Variants in PTCHD4 observed in about 807,000 individuals in gnomAD.
The protein encoded by PTCHD4 is patched domain containing 4.
A neutral mutation model predicts 58.1 loss-of-function variants in PTCHD4; 33 were observed. The observed-to-expected ratio is 0.57, with a 90% CI of 0.43 to 0.76. The LOEUF (loss-of-function observed/expected upper bound fraction) is 0.76, where lower values mean the gene tolerates loss of function less well. PTCHD4 is among the 30% of genes least tolerant of loss of function. PTCHD4 has a pLI of 0.00. For missense variants in PTCHD4, 1,058 were observed against 1,027.1 expected, an observed-to-expected ratio of 1.03 and a Z score of -0.41; for synonymous variants, 478 against 409.6, an observed-to-expected ratio of 1.17 and a Z score of -2.02.
At chr6:48,051,796 G>A (rs1314400049) in intron 3 of PTCHD4, among the ~76,000 whole-genome samples, 7 of 151,964 alleles carry the variant, frequency 4.6e-5, no homozygotes, top group Non-Finnish European at 8.8e-5. Flanking sequence ...ATTGAGATAA[G>A]CAGCTCTGAA....
At chr6:48,035,478 A>G (rs551751505) in intron 3 of PTCHD4, among the ~76,000 whole-genome samples, 15 of 152,234 alleles carry the variant, frequency 9.9e-5, no homozygotes, top group African/African-American at 3.4e-4. Context: ...TATGAATCAG[A>G]AAAAGGGGAT....
intron 4 of PTCHD4, among the ~76,000 whole-genome samples, chr6:47,975,522 TG>T (rs1767662960): frequency 6.6e-6 from 1 of 152,184 alleles, no homozygotes; most frequent in Non-Finnish European, 1.5e-5. Flanking sequence ...TCTTGGTTCA[TG>T]GATTTTTCAA....
In PTCHD4 at chr6:47,898,554, A is replaced by G. The variant is rs1242183599; in HGVS notation, c.899-18618T>C. ...TGAGTAATGCTGGAAATTCAGCAAC[A>G]ATTAAATGTTTACATGATACCACTC... On this transcript the variant is annotated intron_variant, in intron 4 of 4. Transcript: ENST00000339488. 2.0e-5 allele frequency among the ~76,000 whole-genome samples: 3 copies of G among 152,312 alleles called. No homozygotes were observed. The East Asian group carries it at 5.8e-4, about 29-fold the overall frequency.
intron 1 of PTCHD4, among the ~76,000 whole-genome samples, chr6:48,071,006 C>G (rs1764966036): frequency 6.6e-6 from 1 of 152,164 alleles, no homozygotes; most frequent in South Asian, 2.1e-4. Context: ...CATAACTTAT[C>G]AAGTCCATTT....
At chr6:47,937,168 T>C (rs531948743) in intron 4 of PTCHD4, among the ~76,000 whole-genome samples, 30 of 152,280 alleles carry the variant, frequency 2.0e-4, no homozygotes, top group South Asian at 6.2e-4. Context: ...CTATGAAGTT[T>C]TGAGTCATGG....
intron 1 of PTCHD4, among the ~76,000 whole-genome samples, chr6:48,101,363 G>A (rs1303378357): frequency 3.9e-5 from 6 of 152,148 alleles, no homozygotes; most frequent in Non-Finnish European, 5.9e-5. Flanking sequence ...TATTCTCCTA[G>A]CTGTAACAGT....
intron 4 of PTCHD4, among the ~76,000 whole-genome samples, chr6:47,981,662 G>C (rs931252458): frequency 1.3e-5 from 2 of 152,142 alleles, no homozygotes; most frequent in Non-Finnish European, 2.9e-5. Context: ...TGGGGTAGCT[G>C]TTTGCTGAAC....
intron 4 of PTCHD4, among the ~76,000 whole-genome samples, chr6:47,962,888 G>A (rs1347888595): frequency 2.0e-5 from 3 of 151,568 alleles, no homozygotes; most frequent in Non-Finnish European, 2.9e-5. Context: ...TGCCAGGTGC[G>A]GTGGCTCACG....
chr6:47,965,411 T>C (rs1298428823), intron 4 of PTCHD4, among the ~76,000 whole-genome samples: 1 of 152,176 alleles, frequency 6.6e-6, no homozygotes, highest in African/African-American at 2.4e-5. Flanking sequence ...TTGAGAAACA[T>C]TTCCAAAGTA....
chr6:48,068,454 C>T lies in PTCHD4; in HGVS notation c.193G>A (p.Gly65Ser). The T allele has an allele frequency of 6.2e-7, 1 of 1,613,794 alleles. No individual in the cohort carries two copies. Among genetic ancestry groups the T allele is most frequent in the Non-Finnish European group, 8.5e-7 (1 of 1,179,850 alleles). Residue 65 changes from glycine to serine, a missense_variant, in exon 3 of 5, where the codon GGC becomes AGC. Coordinates refer to ENST00000339488, the MANE Select transcript of PTCHD4 (RefSeq NM_001384253.1). The surrounding 1 kb of genome is among the most constrained non-coding windows in gnomAD (Gnocchi z 4.2). ...LSALNRFQPEGDLERLVAPSH... is the reference protein window; with the variant it reads ...LSALNRFQPESDLERLVAPSH... ...GGAGCGACCAGGCGCTCCAGGTCGC[C>T]CTCGGGCTGGAAGCGGTTGAGCGCG...
rs372846998 is a variant in PTCHD4, at chr6:47,879,635, G to A, written c.1200C>T (p.Ser400=). Residue 400 remains serine (S), a synonymous_variant, in exon 5 of 5, where the codon AGC becomes AGT. Transcript: ENST00000339488. ...AGQLEQNRYH[S]IFCCKIPSAE... is the part of the protein sequence containing the mutation. Reference sequence around the variant, plus strand: ...CAGAAGGGATCTTACAGCAAAAGATGCTGTGGTAGCGGTTTTGCTCTAGTT... The same window carrying A: ...CAGAAGGGATCTTACAGCAAAAGATACTGTGGTAGCGGTTTTGCTCTAGTT... 5 of 1,613,542 alleles carry A rather than the reference G, an allele frequency of 3.1e-6. No individual in the cohort carries two copies. Among genetic ancestry groups the A allele is most frequent in the Admixed American group, 1.7e-5 (1 of 59,906 alleles).
At chr6:47,996,046 CAG>C (rs1768473703) in intron 4 of PTCHD4, among the ~76,000 whole-genome samples, 2 of 152,262 alleles carry the variant, frequency 1.3e-5, no homozygotes, top group South Asian at 4.2e-4. Flanking sequence ...ATTCATGTCA[CAG>C]GGGTTTGTTG....
intron 3 of PTCHD4, among the ~76,000 whole-genome samples, chr6:48,026,127 A>G (rs1582040960): frequency 1.3e-5 from 2 of 152,172 alleles, no homozygotes. Flanking sequence ...TATGTGTGTT[A>G]GAAGTTCTTT....
intron 3 of PTCHD4, among the ~76,000 whole-genome samples, chr6:48,013,677 CCACCCTTG>C (rs1762771412): frequency 6.6e-6 from 1 of 151,912 alleles, no homozygotes; most frequent in Non-Finnish European, 1.5e-5. Context: ...ATTTTTAGCT[CCACCCTTG>C]TTTCTACACC....
Position 48,008,961 on chromosome 6 carries a change from A to T in PTCHD4, c.571T>A (p.Trp191Arg). ...ATAAGCTTACAGAACTCATTCTCCC[A>T]CTTCTCCCCTATGAGGTCTTGGGTG... ...SATQDLIGEKWENEFCKLIRK... is the reference protein window; with the variant it reads ...SATQDLIGEKRENEFCKLIRK... Residue 191 changes from tryptophan (W) to arginine (R), a missense_variant, in exon 4 of 5, where the codon TGG (tryptophan) becomes AGG (arginine). By Grantham distance (101) the Trp-to-Arg change is moderately radical (BLOSUM62 -3). Transcript: ENST00000339488. The T allele has an allele frequency of 6.2e-7, 1 of 1,613,908 alleles. No individual in the cohort carries two copies. Among genetic ancestry groups the T allele is most frequent in the Non-Finnish European group, 8.5e-7 (1 of 1,179,886 alleles).
intron 4 of PTCHD4, among the ~76,000 whole-genome samples, chr6:47,980,103 A>G (rs550746072): frequency 6.6e-6 from 1 of 152,244 alleles, no homozygotes; most frequent in African/African-American, 2.4e-5. Flanking sequence ...TTTCATGCAT[A>G]GAGTAAAAAG....
chr6:47,993,029 G>A (rs1768339037), intron 4 of PTCHD4, among the ~76,000 whole-genome samples: 1 of 152,154 alleles, frequency 6.6e-6, no homozygotes, highest in Admixed American at 6.5e-5. Context: ...AGGAATGAAT[G>A]CCAATGCTAT....
chr6:47,973,714 A>C (rs1042347756), intron 4 of PTCHD4, among the ~76,000 whole-genome samples: 3 of 152,228 alleles, frequency 2.0e-5, no homozygotes, highest in Non-Finnish European at 4.4e-5. Flanking sequence ...GGTTAACTGC[A>C]GCCAGTACTG....
intron 4 of PTCHD4, among the ~76,000 whole-genome samples, chr6:47,995,370 C>T (rs1375913203): frequency 1.3e-5 from 2 of 152,198 alleles, no homozygotes; most frequent in Non-Finnish European, 1.5e-5. Flanking sequence ...CAAAGAAATT[C>T]ATCAGGTAGC....
Sources: allele counts gnomAD v4.1 joint callset (sites outside exome capture counted in the v4.1 genomes callset), GRCh38; gene constraint gnomAD v4.1.1; non-coding constraint Gnocchi (gnomAD v3.1); transcripts MANE v1.5; gene names NCBI Gene and HGNC (gene_info 2026-07-23, HGNC 2026-07-21).